CAMK1D: variants seen among roughly 807,000 people sequenced by gnomAD.
The protein encoded by CAMK1D is calcium/calmodulin dependent protein kinase ID, also known as calcium/calmodulin-dependent protein kinase type 1D.
Under a neutral mutation model 47.7 loss-of-function variants are expected in CAMK1D, and 9 were observed. That is an observed-to-expected ratio of 0.19 (90% CI 0.11 to 0.33). The LOEUF is 0.33. Among genes scored for constraint, CAMK1D ranks in the 10% least tolerant of loss-of-function variants. The probability of loss-of-function intolerance (pLI) is 1.00; values close to 1 mark genes in which losing one functional copy is unlikely to be tolerated. For synonymous variants in CAMK1D, 184 were observed against 184.9 expected, an observed-to-expected ratio of 0.99 and a Z score of 0.04; for missense variants, 291 against 488.7, an observed-to-expected ratio of 0.60 and a Z score of 3.81.
chr10:12,460,786 T>G (rs1390241883), intron 1 of CAMK1D, among the ~76,000 whole-genome samples: 1 of 152,086 alleles, frequency 6.6e-6, no homozygotes, highest in African/African-American at 2.4e-5. Context: ...AGGCTCGTCT[T>G]GAACTCCTGA....
rs764939669 is a variant in CAMK1D, at chr10:12,349,800, C to A, written c.-19C>A. ...CCCAGCGCGCCCCCGGCCGCTCCTC[C>A]GCGCCGCGCTCGTCGGCCATGGCCC... On this transcript the variant is annotated 5_prime_UTR_variant, in exon 1 of 11. Coordinates refer to ENST00000619168, the MANE Select transcript of CAMK1D (RefSeq NM_153498.4). 1.2e-5 allele frequency: 17 copies of A among 1,371,058 alleles called. No homozygotes were observed. Among genetic ancestry groups the A allele is most frequent in the South Asian group, 2.8e-5 (2 of 71,436 alleles). The allele number at this position is 1,371,058 out of a possible 1,614,324, so 84.9% of individuals were successfully genotyped here.
intron 1 of CAMK1D, among the ~76,000 whole-genome samples, chr10:12,441,422 C>A (rs945910027): frequency 6.6e-6 from 1 of 151,866 alleles, no homozygotes; most frequent in Admixed American, 6.6e-5. Context: ...GTCTTGAACT[C>A]CTGGGTTCAA....
At chr10:12,541,880 TTCCTTCC>T (rs1281543603) in intron 1 of CAMK1D, among the ~76,000 whole-genome samples, 4 of 147,904 alleles carry the variant, frequency 2.7e-5, no homozygotes, top group Non-Finnish European at 5.9e-5. Flanking sequence ...CCTTCCTTCC[TTCCTTCC>T]TTTTTTTTTT....
At chr10:12,687,476 G>A (rs1181272225) in intron 3 of CAMK1D, among the ~76,000 whole-genome samples, 2 of 152,102 alleles carry the variant, frequency 1.3e-5, no homozygotes, top group African/African-American at 4.8e-5. Context: ...GTGAGCTGAC[G>A]AGCTCCTAAT....
At chr10:12,764,132 G>A (rs946716797) in intron 4 of CAMK1D, among the ~76,000 whole-genome samples, 1 of 152,240 alleles carries the variant, frequency 6.6e-6, no homozygotes, top group African/African-American at 2.4e-5. Context: ...TGTAATCCCA[G>A]CACTTTGGGA....
chr10:12,665,097 T>A (rs1053530553), intron 2 of CAMK1D, among the ~76,000 whole-genome samples: 14 of 152,230 alleles, frequency 9.2e-5, no homozygotes, highest in Admixed American at 9.2e-4. Flanking sequence ...TTTCATATGC[T>A]GTATGGCTGG....
At chr10:12,381,790 A>C (rs1838355839) in intron 1 of CAMK1D, among the ~76,000 whole-genome samples, 1 of 152,144 alleles carries the variant, frequency 6.6e-6, no homozygotes, top group Admixed American at 6.6e-5. Flanking sequence ...AGATGTGCCA[A>C]TTAGCTGGTA....
intron 1 of CAMK1D, among the ~76,000 whole-genome samples, chr10:12,458,659 C>T (rs1221519441): frequency 6.6e-6 from 1 of 152,130 alleles, no homozygotes; most frequent in Non-Finnish European, 1.5e-5. Context: ...TCTTGAACTC[C>T]TGGCCTCAAG....
At chr10:12,757,712 C>CT (rs1564539497) in intron 3 of CAMK1D, among the ~76,000 whole-genome samples, 1 of 152,174 alleles carries the variant, frequency 6.6e-6, no homozygotes, top group East Asian at 1.9e-4. Context: ...GATCAGGGTG[C>CT]TAGTGTGGGA....
chr10:12,376,022 G>A (rs1287642554), intron 1 of CAMK1D, among the ~76,000 whole-genome samples: 9 of 151,790 alleles, frequency 5.9e-5, no homozygotes, highest in Non-Finnish European at 1.5e-5. Context: ...AATCAGCCAG[G>A]TGTGGTGGTG....
At chr10:12,684,554 A>G (rs1832580215) in intron 3 of CAMK1D, among the ~76,000 whole-genome samples, 1 of 152,224 alleles carries the variant, frequency 6.6e-6, no homozygotes, top group South Asian at 2.1e-4. Flanking sequence ...CTAAATACTA[A>G]AAGGCATCCA....
At position 12,427,700 on chromosome 10, in the gene CAMK1D, GTTTTTT is replaced by G. The variant is rs768000055; in HGVS notation, c.92+77810_92+77815del. Among the ~76,000 whole-genome samples the G allele has an allele frequency of 0.01, 314 of 31,046 alleles. 12 individuals carry two copies. The East Asian group carries it at 0.1, about 10-fold the overall frequency. The allele number at this position is 31,046 out of a possible 152,430, so 20.4% of individuals were successfully genotyped here. Reference sequence around the variant, plus strand: ...CTTTCCTGGCTTCACTGAACTTACTGTTTTTTTTTTTTTTTTTTTTTTTTTGAGACG... The same window carrying G: ...CTTTCCTGGCTTCACTGAACTTACTGTTTTTTTTTTTTTTTTTTTGAGACG... On this transcript the variant is annotated intron_variant, in intron 1 of 10. Coordinates refer to ENST00000619168, the MANE Select transcript of CAMK1D (RefSeq NM_153498.4).
chr10:12,671,346 CT>C (rs35207765), intron 3 of CAMK1D, among the ~76,000 whole-genome samples: 1,571 of 142,164 alleles, frequency 0.011, 17 homozygotes, highest in Middle Eastern at 0.03. Flanking sequence ...AATGATAGCT[CT>C]TTTTTTTTTT....
intron 1 of CAMK1D, among the ~76,000 whole-genome samples, chr10:12,398,684 T>G (rs1009132679): frequency 1.7e-4 from 26 of 152,174 alleles, no homozygotes; most frequent in African/African-American, 6.3e-4. Context: ...TGATGATGAT[T>G]CTACATTTGA....
intron 1 of CAMK1D, among the ~76,000 whole-genome samples, chr10:12,372,349 G>T (rs1838029904): frequency 6.6e-6 from 1 of 152,206 alleles, no homozygotes. Flanking sequence ...CTGAGGCCCA[G>T]AGTGGTTGAG....
intron 2 of CAMK1D, among the ~76,000 whole-genome samples, chr10:12,615,536 A>G (rs1028723011): frequency 2.0e-5 from 3 of 147,260 alleles, no homozygotes; most frequent in Non-Finnish European, 3.0e-5. Flanking sequence ...GTGTGTGTGC[A>G]TGTGTACATG....
rs534798195 is a variant in CAMK1D, at chr10:12,821,005, G to A, written c.834-3460G>A. ...GCAAACTGAAGTGATAAGAAGAGAC[G>A]CTGAGAGAGAGAGATTAATTTATTT... On this transcript the variant is annotated intron_variant, in intron 8 of 10. Coordinates refer to ENST00000619168, the MANE Select transcript of CAMK1D (RefSeq NM_153498.4). 3.3e-5 allele frequency among the ~76,000 whole-genome samples: 5 copies of A among 152,322 alleles called. 1 individual carries two copies. The South Asian group carries it at 1.0e-3, about 32-fold the overall frequency.
At chr10:12,367,946 A>G (rs559007077) in intron 1 of CAMK1D, among the ~76,000 whole-genome samples, 9 of 152,128 alleles carry the variant, frequency 5.9e-5, no homozygotes, top group Non-Finnish European at 1.2e-4. Flanking sequence ...TAATCCCAGC[A>G]CTTTGGGAGG....
At chr10:12,787,434 C>T (rs1588927137) in intron 5 of CAMK1D, among the ~76,000 whole-genome samples, 1 of 152,178 alleles carries the variant, frequency 6.6e-6, no homozygotes, top group South Asian at 2.1e-4. Flanking sequence ...AGTCCTCCCT[C>T]CCACCATCCA....
Sources: allele counts gnomAD v4.1 joint callset (sites outside exome capture counted in the v4.1 genomes callset), GRCh38; gene constraint gnomAD v4.1.1; transcripts MANE v1.5; gene names NCBI Gene and HGNC (gene_info 2026-07-23, HGNC 2026-07-21).